CEP112: variants seen among roughly 807,000 people sequenced by gnomAD.
CEP112 encodes the protein centrosomal protein 112, also known as centrosomal protein of 112 kDa.
CEP112 carries 127 observed loss-of-function variants against 153.0 expected under a neutral mutation model. The observed-to-expected ratio is 0.83, with a 90% CI of 0.72 to 0.96. The LOEUF is 0.96. CEP112 is among the 40% of genes least tolerant of loss of function. CEP112 has a pLI of 0.00. For missense variants in CEP112, 1,089 were observed against 1,101.2 expected (o/e 0.99, Z 0.16); for synonymous variants, 358 against 374.4 (o/e 0.96, Z 0.51).
intron 17 of CEP112, among the ~76,000 whole-genome samples, chr17:65,973,471 T>C (rs1015961054): frequency 1.3e-5 from 2 of 152,210 alleles, no homozygotes; most frequent in Non-Finnish European, 2.9e-5. Context: ...CCAAGGTAGA[T>C]AGGCATATGG....
intron 20 of CEP112, among the ~76,000 whole-genome samples, chr17:65,878,750 C>T (rs1430242833): frequency 6.6e-6 from 1 of 151,714 alleles, no homozygotes. Flanking sequence ...GACGAGCCCC[C>T]AAAAGCCTGC....
At chr17:65,715,370 A>G (rs2049446857) in intron 23 of CEP112, among the ~76,000 whole-genome samples, 2 of 152,182 alleles carry the variant, frequency 1.3e-5, no homozygotes, top group South Asian at 4.1e-4. Context: ...AGAGAAAAAC[A>G]ACATAAAACT....
intron 4 of CEP112, among the ~76,000 whole-genome samples, chr17:66,167,641 G>A (rs548871934): frequency 2.0e-5 from 3 of 152,250 alleles, no homozygotes; most frequent in South Asian, 2.1e-4. Context: ...GAAAAAAACA[G>A]ATAAAACTGA....
At chr17:66,025,921 A>ACACACACACACACACT (rs1491344259) in intron 16 of CEP112, among the ~76,000 whole-genome samples, 1 of 956 alleles carries the variant, frequency 1.0e-3, no homozygotes, top group African/African-American at 2.2e-3. Context: ...AATGTGGCAT[A>ACACACACACACACACT]CACACACACA....
intron 7 of CEP112, 92 bp downstream of exon 7, chr17:66,096,493 G>A (rs1225743577): frequency 1.8e-6 from 2 of 1,133,736 alleles, no homozygotes; most frequent in East Asian, 2.4e-5. Context: ...GTTTCCTAAT[G>A]TAGATCCGCA....
intron 19 of CEP112, among the ~76,000 whole-genome samples, chr17:65,922,996 T>C (rs1053200978): frequency 6.6e-6 from 1 of 152,126 alleles, no homozygotes; most frequent in African/African-American, 2.4e-5. Context: ...ACTTCCCCCA[T>C]CACTAAAGTT....
chr17:66,025,968 C>CACA (rs2065189963), intron 16 of CEP112, among the ~76,000 whole-genome samples: 1 of 130,570 alleles, frequency 7.7e-6, no homozygotes, highest in Non-Finnish European at 1.7e-5. Flanking sequence ...TATATATAGA[C>CACA]CACACACACA....
At chr17:66,036,258 C>T (rs943640762) in intron 12 of CEP112, among the ~76,000 whole-genome samples, 2 of 152,026 alleles carry the variant, frequency 1.3e-5, no homozygotes, top group East Asian at 1.9e-4. Context: ...GTTTTAGTCA[C>T]GCAAGACAAA....
At chr17:65,969,595 T>C (rs962864693) in intron 17 of CEP112, among the ~76,000 whole-genome samples, 3 of 152,334 alleles carry the variant, frequency 2.0e-5, no homozygotes, top group East Asian at 3.9e-4. Context: ...ATATATTGCA[T>C]GCACGAATAT....
chr17:65,861,107 G>C (rs575930452), intron 20 of CEP112, among the ~76,000 whole-genome samples: 64 of 152,324 alleles, frequency 4.2e-4, no homozygotes, highest in African/African-American at 1.5e-3. Flanking sequence ...GTGTTGAGTG[G>C]AAATGAAGAG....
At position 65,698,673 on chromosome 17, in the gene CEP112, G is replaced by A. The variant is rs232139; in HGVS notation, c.2608-9455C>T. Among the ~76,000 whole-genome samples the A allele has an allele frequency of 2.0e-5, 3 of 151,748 alleles. No homozygotes were observed. In the South Asian group the frequency reaches 6.3e-4, roughly 32 times the overall value. ...CAGGAAATTCAAAGCACATTCCCCC[G>A]CTTCGTGGCTCTAAACAGCTTCACT... On this transcript the variant is annotated intron_variant, in intron 23 of 26. Coordinates refer to ENST00000535342, the MANE Select transcript of CEP112 (RefSeq NM_001199165.4).
chr17:65,745,041 A>T (rs1232910881), intron 22 of CEP112, among the ~76,000 whole-genome samples: 3 of 152,220 alleles, frequency 2.0e-5, no homozygotes, highest in African/African-American at 4.8e-5. Context: ...AATAAATAGA[A>T]ACTGTCTGGA....
At chr17:65,847,896 G>C (rs929400475) in intron 21 of CEP112, among the ~76,000 whole-genome samples, 2 of 152,152 alleles carry the variant, frequency 1.3e-5, no homozygotes, top group African/African-American at 2.4e-5. Context: ...CTGGAAGAGG[G>C]TGACAGCAGC....
chr17:65,969,872 A>G (rs1426702056), intron 17 of CEP112, among the ~76,000 whole-genome samples: 1 of 152,246 alleles, frequency 6.6e-6, no homozygotes, highest in Non-Finnish European at 1.5e-5. Flanking sequence ...TTACATGTGC[A>G]TTATGTGTAA....
At chr17:65,756,428 AAAAAAG>A (rs1445849581) in intron 21 of CEP112, among the ~76,000 whole-genome samples, 1 of 151,210 alleles carries the variant, frequency 6.6e-6, no homozygotes, top group Non-Finnish European at 1.5e-5. Flanking sequence ...AAAAAAAAAA[AAAAAAG>A]AAATCAGGAT....
intron 17 of CEP112, among the ~76,000 whole-genome samples, chr17:65,969,363 T>C (rs1259593890): frequency 6.6e-6 from 1 of 152,182 alleles, no homozygotes; most frequent in Non-Finnish European, 1.5e-5. Flanking sequence ...ATATTTAAGA[T>C]TAACGTATTA....
chr17:66,023,070 T>G (rs1007865691), intron 16 of CEP112, among the ~76,000 whole-genome samples: 11 of 151,976 alleles, frequency 7.2e-5, no homozygotes, highest in African/African-American at 2.7e-4. Context: ...TGGGACTACA[T>G]AAAGCAACTG....
chr17:66,031,697 T>C (rs956041590), intron 12 of CEP112, among the ~76,000 whole-genome samples: 9 of 151,828 alleles, frequency 5.9e-5, no homozygotes, highest in Non-Finnish European at 1.2e-4. Context: ...CCTGGCCTCA[T>C]GCAATTCACC....
chr17:65,803,119 T>C (rs1051417008), intron 21 of CEP112, among the ~76,000 whole-genome samples: 2 of 152,202 alleles, frequency 1.3e-5, no homozygotes, highest in African/African-American at 2.4e-5. Context: ...TACATAGAGA[T>C]AGAGATGCCA....
Sources: allele counts gnomAD v4.1 joint callset (sites outside exome capture counted in the v4.1 genomes callset), GRCh38; gene constraint gnomAD v4.1.1; transcripts MANE v1.5; gene names NCBI Gene and HGNC (gene_info 2026-07-23, HGNC 2026-07-21).